Variants in UBXN6 observed in about 807,000 individuals in gnomAD.
The protein encoded by UBXN6 is UBX domain protein 6.
In UBXN6, 44 loss-of-function variants were observed where a neutral mutation model predicts 51.4. The observed-to-expected ratio is 0.86, with a 90% CI of 0.67 to 1.10. UBXN6 has a LOEUF of 1.10. Ranked by LOEUF, UBXN6 falls within the 50% of genes least tolerant of loss-of-function variation. UBXN6 has a pLI of 0.00. For missense variants in UBXN6, 672 were observed against 596.1 expected, an observed-to-expected ratio of 1.13 and a Z score of -1.32; for synonymous variants, 316 against 263.2, an observed-to-expected ratio of 1.20 and a Z score of -1.94.
Position 4,446,080 on chromosome 19 carries a change from TC to T in UBXN6, c.1168del (p.Asp390ThrfsTer6), listed in dbSNP as rs866743162. On this transcript the variant is annotated frameshift_variant, in exon 10 of 11. Transcript: ENST00000301281. LOFTEE classifies it high-confidence loss of function. Reference sequence around the variant, plus strand: ...GCACTCGTTCAAGGCCAGGTTCTCGTCCTCGGACAGCTTCTGCCCTCCCGAG... The same window carrying T: ...GCACTCGTTCAAGGCCAGGTTCTCGTCTCGGACAGCTTCTGCCCTCCCGAG... Reference protein sequence around the residue: ...LASGGQKLSEDENLALNECGL... With the variant: ...LASGGQKLSEXENLALNECGL... 6.2e-7 allele frequency: 1 copy of T among 1,612,550 alleles called. No homozygotes were observed. Among genetic ancestry groups the T allele is most frequent in the African/African-American group, 1.3e-5 (1 of 74,910 alleles).
Position 4,446,907 on chromosome 19 carries a change from C to G in UBXN6, c.629G>C (p.Cys210Ser). Reference sequence around the variant, plus strand: ...AAAAAACTCGTGGGTCCCTTCCAGGCAGTTAATGCGCTCCTGGGGGTGGAG... The same window carrying G: ...AAAAAACTCGTGGGTCCCTTCCAGGGAGTTAATGCGCTCCTGGGGGTGGAG... ...QNKVFQERIN[C>S]LEGTHEFFEA... is the part of the protein sequence containing the mutation. Residue 210 changes from cysteine to serine, a missense_variant, in exon 7 of 11, where the codon TGC becomes TCC. Transcript: ENST00000301281. 3 of 1,613,898 alleles carry G rather than the reference C, an allele frequency of 1.9e-6. No individual in the cohort carries two copies. In the African/African-American group the frequency reaches 4.0e-5, roughly 22 times the overall value.
At chr19:4,457,583 C>T (rs1357531858) in intron 1 of UBXN6, 32 bp downstream of exon 1, 1 of 1,576,296 alleles carries the variant, frequency 6.3e-7, no homozygotes, top group East Asian at 2.4e-5. Context: ...CCCCGCCCCG[C>T]AGGGCCTCAA....
intron 3 of UBXN6, among the ~76,000 whole-genome samples, chr19:4,452,784 T>C (rs180818666): frequency 2.6e-5 from 4 of 152,252 alleles, no homozygotes; most frequent in African/African-American, 9.6e-5. Flanking sequence ...GGCAGCTGGG[T>C]TCCTGCTGGT....
rs377061785 is a variant in UBXN6 at position 4,445,464 on chromosome 19, G to A, written c.*34C>T. On this transcript the variant is annotated 3_prime_UTR_variant, in exon 11 of 11. Coordinates refer to ENST00000301281, the MANE Select transcript of UBXN6 (RefSeq NM_025241.3). ...AGAGGAACAGGGAGAGCATGAGACA[G>A]ACCCACAGGGCTGAGGCCAACCCTG... 1.9e-6 allele frequency: 3 copies of A among 1,613,052 alleles called. No individual in the cohort carries two copies. The highest frequency in any genetic ancestry group is 1.1e-5 in the South Asian group (1 of 91,026).
intron 5 of UBXN6, chr19:4,447,966 G>A (rs1045537635): frequency 3.0e-5 from 15 of 499,918 alleles, no homozygotes; most frequent in Middle Eastern, 5.4e-4. Context: ...GGGCTCCTGC[G>A]GGGTGCTCCC....
In UBXN6 at chr19:4,446,332, G is replaced by T. The variant is rs1408433934; in HGVS notation, c.1002C>A (p.Tyr334Ter). ...EKEEQRGLRK[Y>*]NYTLLRVRLP... ...GGCGCACGCGCAGCAGCGTGTAGTT[G>T]TACTTGCGCAGCCCCCGCTGCTCCT... Residue 334 changes from tyrosine (Y) to a stop codon, truncating the protein, a stop_gained, in exon 9 of 11, where the codon TAC becomes TAA. Transcript: ENST00000301281. LOFTEE classifies it high-confidence loss of function. 6.4e-7 allele frequency: 1 copy of T among 1,572,796 alleles called. No homozygotes were observed. Among genetic ancestry groups the T allele is most frequent in the Non-Finnish European group, 8.6e-7 (1 of 1,165,400 alleles).
chr19:4,455,426 C>T (rs776252821), intron 1 of UBXN6: 1 of 361,302 alleles, frequency 2.8e-6, no homozygotes, highest in Non-Finnish European at 3.9e-6. Context: ...CGGCCTCATC[C>T]GATATCTGGG....
chr19:4,448,565 A>AC (rs1222591106), intron 4 of UBXN6, 150 bp from the exon 5 acceptor site: 1 of 663,648 alleles, frequency 1.5e-6, no homozygotes, highest in African/African-American at 1.8e-5. Context: ...GAAAAGAGAG[A>AC]CCCTCCAAGA....
At position 4,455,348 on chromosome 19, in the gene UBXN6, T is replaced by A. The variant is rs896102413; in HGVS notation, c.84-1255A>T. ...CAGCCCTCCCTCCTCGTCCCACCCC[T>A]GCCTATCTAGTCCTCCCACAGCTGA... On this transcript the variant is annotated intron_variant, in intron 1 of 10. Transcript: ENST00000301281. 5.2e-6 allele frequency: 5 copies of A among 963,408 alleles called. No homozygotes were observed. In the South Asian group the frequency reaches 1.9e-4, roughly 37 times the overall value. The allele number at this position is 963,408 out of a possible 1,614,324, so 59.7% of individuals were successfully genotyped here. A position where few individuals can be genotyped will look rare whatever the true frequency, so the allele number is the denominator to read the frequency against.
Position 4,452,361 on chromosome 19 carries a change from C to T in UBXN6, c.441+3G>A, listed in dbSNP as rs1974666784. 6.2e-7 allele frequency: 1 copy of T among 1,613,178 alleles called. No homozygotes were observed. Among genetic ancestry groups the T allele is most frequent in the South Asian group, 1.1e-5 (1 of 91,002 alleles). On this transcript the variant is annotated splice_donor_region_variant and intron_variant, in intron 4 of 10. Transcript: ENST00000301281. ...GGGCAGGAGCACACAGGGTGCCACTCACCAAGAGAATGGCCTCCTTGATGC... is the reference window on the plus strand; with the variant it reads ...GGGCAGGAGCACACAGGGTGCCACTTACCAAGAGAATGGCCTCCTTGATGC...
In UBXN6 at chr19:4,445,513, G is replaced by A. The variant is rs375328300; in HGVS notation, c.1311C>T (p.Ile437=). Reference sequence around the variant, plus strand: ...TGCTTTTATTTCACAAGAGCTTCTCGATGGCTGACAGGAGCTCGGGTTTCA... The same window carrying A: ...TGCTTTTATTTCACAAGAGCTTCTCAATGGCTGACAGGAGCTCGGGTTTCA... ...SILKPELLSA[I]EKLL is the part of the protein sequence containing the mutation. Residue 437 remains isoleucine (I), a synonymous_variant, in exon 11 of 11, where the codon ATC becomes ATT. Transcript: ENST00000301281. The A allele has an allele frequency of 2.5e-5, 41 of 1,613,918 alleles. No homozygotes were observed. In the African/African-American group the frequency reaches 2.8e-4, roughly 11 times the overall value.
intron 1 of UBXN6, 111 bp downstream of exon 1, chr19:4,457,504 C>G (rs1459736981): frequency 1.2e-5 from 11 of 951,892 alleles, no homozygotes; most frequent in Non-Finnish European, 1.6e-5. Context: ...CCTCGCGTGC[C>G]GCTCCCAGCC....
intron 2 of UBXN6, 92 bp from the exon 3 acceptor site, chr19:4,453,614 G>T: frequency 6.8e-7 from 1 of 1,475,758 alleles, no homozygotes; most frequent in East Asian, 2.4e-5. Flanking sequence ...GGTGGGCCTG[G>T]GGGCCACGCA....
At chr19:4,445,703 G>A (rs562890252) in intron 10 of UBXN6, 80 bp from the exon 11 acceptor site, 17 of 1,560,732 alleles carry the variant, frequency 1.1e-5, no homozygotes, top group African/African-American at 4.0e-5. Flanking sequence ...CAACCTGGGC[G>A]CGGGGATGCC....
rs778473018 is a variant in UBXN6 at position 4,448,396 on chromosome 19, A to G, written c.461T>C (p.Val154Ala). Residue 154 changes from valine (V) to alanine (A), a missense_variant, in exon 5 of 11, where the codon GTG becomes GCG. By Grantham distance (64) the Val-to-Ala change is moderately conservative. Transcript: ENST00000301281. ...AILLHFSTDPVAASIMKIYTF... is the reference protein window; with the variant it reads ...AILLHFSTDPAAASIMKIYTF... ...GTAGATCTTCATGATGGAGGCGGCCACTGGGTCGGTGGAGAAGTGCTGGGA... is the reference window on the plus strand; with the variant it reads ...GTAGATCTTCATGATGGAGGCGGCCGCTGGGTCGGTGGAGAAGTGCTGGGA... The G allele has an allele frequency of 3.1e-5, 49 of 1,560,376 alleles. No homozygotes were observed. Among genetic ancestry groups the G allele is most frequent in the Non-Finnish European group, 3.8e-5 (44 of 1,155,240 alleles).
At chr19:4,449,946 G>A (rs931411127) in intron 4 of UBXN6, 1 of 152,202 alleles carries the variant, frequency 6.6e-6, no homozygotes, top group African/African-American at 2.4e-5. Context: ...AAAAGCTCTG[G>A]AGGCCGGGCA....
At chr19:4,452,599 C>T in intron 3 of UBXN6, 107 bp from the exon 4 acceptor site, 1 of 1,421,204 alleles carries the variant, frequency 7.0e-7, no homozygotes, top group Non-Finnish European at 9.3e-7. Context: ...CATCTCCAGC[C>T]CCCATGCTGT....
chr19:4,452,593 T>C, intron 3 of UBXN6, 101 bp from the exon 4 acceptor site: 2 of 1,440,074 alleles, frequency 1.4e-6, no homozygotes, highest in South Asian at 2.9e-5. Flanking sequence ...ACCAGACATC[T>C]CCAGCCCCCA....
chr19:4,445,312 G>GC lies in UBXN6; in HGVS notation c.*185dup. The GC allele has an allele frequency of 1.0e-6, 1 of 994,442 alleles. No individual in the cohort carries two copies. The highest frequency in any genetic ancestry group is 1.6e-5 in the South Asian group (1 of 64,096). The allele number at this position is 994,442 out of a possible 1,614,324, so 61.6% of individuals were successfully genotyped here. A position where few individuals can be genotyped will look rare whatever the true frequency, so the allele number is the denominator to read the frequency against. The stretch of plus-strand genomic sequence containing the variant: ...TCGGGGGCTTGGGCGCATCCCCACA[G>GC]CCCCCAAGGGATGGGGGCTCTGCCA... On this transcript the variant is annotated 3_prime_UTR_variant, in exon 11 of 11. Transcript: ENST00000301281.
Sources: allele counts gnomAD v4.1 joint callset (sites outside exome capture counted in the v4.1 genomes callset), GRCh38; gene constraint gnomAD v4.1.1; transcripts MANE v1.5; gene names NCBI Gene and HGNC (gene_info 2026-07-23, HGNC 2026-07-21).